Variants in EPHB1 observed in about 807,000 individuals in gnomAD.
EPHB1 encodes ephrin type-B receptor 1.
A neutral mutation model predicts 94.4 loss-of-function variants in EPHB1; 30 were observed. The observed-to-expected ratio is 0.32, with a 90% CI of 0.24 to 0.43. EPHB1 has a LOEUF of 0.43. Among genes scored for constraint, EPHB1 ranks in the 20% least tolerant of loss-of-function variants. The pLI, the probability that EPHB1 is intolerant of heterozygous loss-of-function variation, is 1.00. For missense variants in EPHB1, 1,055 were observed against 1,308.3 expected, an observed-to-expected ratio of 0.81 and a Z score of 2.99; for synonymous variants, 522 against 489.1, an observed-to-expected ratio of 1.07 and a Z score of -0.89.
chr3:135,196,887 T>C (rs1200459773), intron 11 of EPHB1, among the ~76,000 whole-genome samples: 2 of 152,192 alleles, frequency 1.3e-5, no homozygotes, highest in Non-Finnish European at 2.9e-5. Flanking sequence ...TTATATAGCA[T>C]ACAAATCCAT....
At chr3:135,079,280 A>G (rs571031670) in intron 3 of EPHB1, among the ~76,000 whole-genome samples, 1 of 152,316 alleles carries the variant, frequency 6.6e-6, no homozygotes, top group African/African-American at 2.4e-5. Flanking sequence ...TTCTGGGCCT[A>G]TGCCTACATC....
intron 1 of EPHB1, among the ~76,000 whole-genome samples, chr3:134,920,773 C>T (rs1033797199): frequency 1.3e-5 from 2 of 152,198 alleles, no homozygotes; most frequent in African/African-American, 4.8e-5. Flanking sequence ...CAGTACCTGC[C>T]TCTTCTTCCT....
At chr3:134,946,731 G>A (rs1003968795) in intron 2 of EPHB1, among the ~76,000 whole-genome samples, 6 of 152,084 alleles carry the variant, frequency 3.9e-5, no homozygotes, top group Admixed American at 3.9e-4. Flanking sequence ...ACAGGAGCTG[G>A]TGGTTTAAAA....
chr3:134,985,577 ATCTAC>A (rs1934567691), intron 3 of EPHB1, among the ~76,000 whole-genome samples: 1 of 152,206 alleles, frequency 6.6e-6, no homozygotes, highest in Admixed American at 6.5e-5. Flanking sequence ...ACGTTTCTGT[ATCTAC>A]TCTACCACTG....
intron 3 of EPHB1, among the ~76,000 whole-genome samples, chr3:135,056,140 C>T (rs1179718473): frequency 1.3e-5 from 2 of 152,234 alleles, no homozygotes; most frequent in Non-Finnish European, 2.9e-5. Flanking sequence ...TTAGCCTGCA[C>T]ACCAGTGTGG....
intron 3 of EPHB1, among the ~76,000 whole-genome samples, chr3:134,978,371 GTCT>G (rs1463864629): frequency 6.6e-6 from 1 of 152,112 alleles, no homozygotes; most frequent in East Asian, 1.9e-4. Flanking sequence ...TTCTTTAGAT[GTCT>G]TCATTACTCC....
At chr3:135,088,996 TAA>T (rs1938466251) in intron 3 of EPHB1, among the ~76,000 whole-genome samples, 1 of 152,248 alleles carries the variant, frequency 6.6e-6, no homozygotes, top group Non-Finnish European at 1.5e-5. Context: ...AGACAGGGAC[TAA>T]TTTTTACACA....
chr3:135,207,087 A>G (rs1942919132), intron 12 of EPHB1, among the ~76,000 whole-genome samples: 1 of 152,236 alleles, frequency 6.6e-6, no homozygotes, highest in Non-Finnish European at 1.5e-5. Flanking sequence ...AGTCACCTAA[A>G]TAATGATGTC....
At chr3:134,824,141 TTTTTTTTTTG>T (rs2036432635) in intron 1 of EPHB1, among the ~76,000 whole-genome samples, 2 of 147,318 alleles carry the variant, frequency 1.4e-5, no homozygotes, top group East Asian at 3.9e-4. Context: ...TTTTTTTTTT[TTTTTTTTTTG>T]GTAATCCTAG....
chr3:134,798,485 C>T (rs1244163483), intron 1 of EPHB1, among the ~76,000 whole-genome samples: 1 of 152,196 alleles, frequency 6.6e-6, no homozygotes, highest in East Asian at 1.9e-4. Context: ...TCCTTTCCCC[C>T]CACACTCCCG....
At chr3:135,005,218 G>A (rs1935352526) in intron 3 of EPHB1, among the ~76,000 whole-genome samples, 1 of 152,220 alleles carries the variant, frequency 6.6e-6, no homozygotes, top group African/African-American at 2.4e-5. Flanking sequence ...GTACCCTGCA[G>A]TGTGAAGTGT....
At chr3:134,845,813 T>C (rs2036861812) in intron 1 of EPHB1, among the ~76,000 whole-genome samples, 1 of 152,358 alleles carries the variant, frequency 6.6e-6, no homozygotes, top group South Asian at 2.1e-4. Context: ...ACAGTATTTC[T>C]GTGGAGTTGA....
At chr3:135,053,713 A>G (rs957553955) in intron 3 of EPHB1, among the ~76,000 whole-genome samples, 4 of 152,164 alleles carry the variant, frequency 2.6e-5, no homozygotes, top group African/African-American at 9.7e-5. Context: ...TAAGCTGGGC[A>G]TGGTGGCTCA....
intron 6 of EPHB1, among the ~76,000 whole-genome samples, chr3:135,155,787 CAAAAAAAAAAAA>C: frequency 1.7e-5 from 1 of 59,460 alleles, no homozygotes; most frequent in Non-Finnish European, 3.1e-5. Flanking sequence ...AAGACTTTGT[CAAAAAAAAAAAA>C]AAAAAAAAAA....
intron 1 of EPHB1, among the ~76,000 whole-genome samples, chr3:134,818,011 C>T (rs1029066009): frequency 2.0e-5 from 3 of 152,166 alleles, no homozygotes; most frequent in African/African-American, 7.2e-5. Context: ...TAATGCTTTT[C>T]CCCGCCCCAC....
rs946014612 is a variant in EPHB1, at chr3:135,052,677, C to T, written c.806-53771C>T. 1.7e-4 allele frequency among the ~76,000 whole-genome samples: 26 copies of T among 150,658 alleles called. No individual in the cohort carries two copies. In the South Asian group the frequency reaches 2.3e-3, roughly 13 times the overall value. ...GAGCTCACGACCATCCTGGCTAACACGGTGAGACCCCATCTGTACTAAAAA... is the reference window on the plus strand; with the variant it reads ...GAGCTCACGACCATCCTGGCTAACATGGTGAGACCCCATCTGTACTAAAAA... On this transcript the variant is annotated intron_variant, in intron 3 of 15. Coordinates refer to ENST00000398015, the MANE Select transcript of EPHB1 (RefSeq NM_004441.5).
chr3:135,230,473 T>C (rs17711530), intron 12 of EPHB1, among the ~76,000 whole-genome samples: 66,365 of 152,080 alleles, frequency 0.44, 15,636 homozygotes, highest in Middle Eastern at 0.62. Flanking sequence ...GAGCACTCAC[T>C]TCAGGAACAC....
intron 4 of EPHB1, among the ~76,000 whole-genome samples, chr3:135,129,696 A>G (rs1232622858): frequency 1.3e-5 from 2 of 152,294 alleles, no homozygotes; most frequent in Admixed American, 1.3e-4. Flanking sequence ...TGACTTAGGC[A>G]CCTGGAAATG....
At chr3:135,029,778 G>T (rs7429083) in intron 3 of EPHB1, among the ~76,000 whole-genome samples, 33,671 of 151,394 alleles carry the variant, frequency 0.22, 3,899 homozygotes, top group Middle Eastern at 0.26. Flanking sequence ...CCTGCCTTGC[G>T]AGATTTGGGA....
Sources: allele counts gnomAD v4.1 joint callset (sites outside exome capture counted in the v4.1 genomes callset), GRCh38; gene constraint gnomAD v4.1.1; transcripts MANE v1.5; gene names NCBI Gene and HGNC (gene_info 2026-07-23, HGNC 2026-07-21).